LAMA4: variants seen among roughly 807,000 people sequenced by gnomAD.
LAMA4 encodes laminin subunit alpha 4, also known as laminin subunit alpha-4.
A neutral mutation model predicts 207.1 loss-of-function variants in LAMA4; 127 were observed. That is an observed-to-expected ratio of 0.61 (90% CI 0.53 to 0.71). The LOEUF is 0.71. Among genes scored for constraint, LAMA4 ranks in the 30% least tolerant of loss-of-function variants. The probability of loss-of-function intolerance (pLI) is 0.00; values close to 1 mark genes in which losing one functional copy is unlikely to be tolerated. For missense variants in LAMA4, 2,093 were observed against 2,246.5 expected (o/e 0.93, Z 1.38); for synonymous variants, 761 against 816.0 (o/e 0.93, Z 1.15).
chr6:112,172,707 C>A lies in LAMA4; in HGVS notation c.1455G>T (p.Leu485Phe), dbSNP rs782305599. ...GGTCAAGTGCTTCCTGGAGATCTGACAACTTAGCATTGTAGTCATCCAGCT... is the reference window on the plus strand; with the variant it reads ...GGTCAAGTGCTTCCTGGAGATCTGAAAACTTAGCATTGTAGTCATCCAGCT... ...LEQLDDYNAK[L>F]SDLQEALDQA... Residue 485 changes from leucine to phenylalanine, a missense_variant, in exon 12 of 39, where the codon TTG becomes TTT. By Grantham distance (22) the Leu-to-Phe change is conservative. Around this residue, in one of 3 missense-constraint regions of LAMA4, gnomAD observed 1,704 missense variants for 1,788.4 expected, o/e 0.95. Coordinates refer to ENST00000230538, the MANE Select transcript of LAMA4 (RefSeq NM_001105206.3). 4.3e-5 allele frequency: 70 copies of A among 1,613,776 alleles called. No homozygotes were observed. Among genetic ancestry groups the A allele is most frequent in the Non-Finnish European group, 5.3e-5 (63 of 1,179,972 alleles).
chr6:112,184,510 CT>C (rs1178969923), intron 9 of LAMA4, among the ~76,000 whole-genome samples: 5 of 152,104 alleles, frequency 3.3e-5, no homozygotes, highest in African/African-American at 1.2e-4. Context: ...TTCCTGACAG[CT>C]TTTACAAGTT....
rs587753056 is a variant in LAMA4 at position 112,115,946 on chromosome 6, G to A, written c.5029C>T (p.Arg1677Cys). 2.2e-4 allele frequency: 360 copies of A among 1,612,970 alleles called. 1 individual carries two copies. In the South Asian group the frequency reaches 3.7e-3, roughly 17 times the overall value. ...GLKFEIAFEV[R>C]PRSSSGTLVH... Reference sequence around the variant, plus strand: ...AGGGTTCCGGAACTGCTTCTGGGACGGACTTCAAATGCAATTTCAAACTTC... The same window carrying A: ...AGGGTTCCGGAACTGCTTCTGGGACAGACTTCAAATGCAATTTCAAACTTC... The change falls in exon 36 of 39, where the codon CGT becomes TGT. Residue 1677 changes from arginine (R) to cysteine (C), a missense_variant. Around this residue, in one of 3 missense-constraint regions of LAMA4, gnomAD observed 383 missense variants for 437.8 expected, o/e 0.87. Coordinates refer to ENST00000230538, the MANE Select transcript of LAMA4 (RefSeq NM_001105206.3).
At chr6:112,197,768 AT>A (rs1783507219) in intron 5 of LAMA4, among the ~76,000 whole-genome samples, 1 of 152,098 alleles carries the variant, frequency 6.6e-6, no homozygotes, top group African/African-American at 2.4e-5. Flanking sequence ...ACCAATTTTC[AT>A]TTTGGAATCT....
chr6:112,180,321 T>A (rs531954720), intron 9 of LAMA4, among the ~76,000 whole-genome samples: 2 of 152,328 alleles, frequency 1.3e-5, no homozygotes, highest in Admixed American at 1.3e-4. Flanking sequence ...GATAGAGATA[T>A]ATAGCTATTG....
intron 9 of LAMA4, among the ~76,000 whole-genome samples, chr6:112,182,718 C>A (rs538600926): frequency 1.3e-5 from 2 of 152,294 alleles, no homozygotes; most frequent in East Asian, 3.9e-4. Flanking sequence ...AGTGGACCTT[C>A]AAGATCCAGA....
At chr6:112,139,096 A>G (rs1278544902) in intron 24 of LAMA4, 24 bp downstream of exon 24, 4 of 1,608,344 alleles carry the variant, frequency 2.5e-6, no homozygotes, top group Non-Finnish European at 3.4e-6. Flanking sequence ...AAGGAGAAGT[A>G]GTAGGACTTG....
chr6:112,132,360 G>A lies in LAMA4; in HGVS notation c.3834+393C>T, dbSNP rs527324664. Among the ~76,000 whole-genome samples, 5 of 152,202 alleles carry A rather than the reference G, an allele frequency of 3.3e-5. No homozygotes were observed. The South Asian group carries it at 6.2e-4, about 19-fold the overall frequency. On this transcript the variant is annotated intron_variant, in intron 28 of 38. Transcript: ENST00000230538. Reference sequence around the variant, plus strand: ...CTGAGATTTCTGTGACAATTGTAATGTGAAACAAAAAAATCTGTGATTTCT... The same window carrying A: ...CTGAGATTTCTGTGACAATTGTAATATGAAACAAAAAAATCTGTGATTTCT...
chr6:112,214,676 C>T (rs889144830), intron 3 of LAMA4, among the ~76,000 whole-genome samples: 10 of 152,128 alleles, frequency 6.6e-5, no homozygotes, highest in South Asian at 2.1e-4. Context: ...TCATTTTCTG[C>T]GTTGGAACAA....
At chr6:112,182,346 A>G (rs1554345511) in intron 9 of LAMA4, among the ~76,000 whole-genome samples, 1 of 152,144 alleles carries the variant, frequency 6.6e-6, no homozygotes, top group African/African-American at 2.4e-5. Context: ...ACCTAATGCA[A>G]TGCCTATACA....
intron 2 of LAMA4, among the ~76,000 whole-genome samples, chr6:112,239,892 T>C (rs1247024304): frequency 6.6e-6 from 1 of 151,874 alleles, no homozygotes; most frequent in Non-Finnish European, 1.5e-5. Flanking sequence ...TGAAACCCCG[T>C]CTCTACTAAA....
chr6:112,179,792 C>T (rs568443775), intron 9 of LAMA4: 10 of 351,656 alleles, frequency 2.8e-5, no homozygotes, highest in South Asian at 2.6e-4. Context: ...TAATCCCCTC[C>T]CTACAGAGCA....
At chr6:112,158,435 C>G (rs1038305270) in intron 14 of LAMA4, 1 of 382,944 alleles carries the variant, frequency 2.6e-6, no homozygotes, top group Admixed American at 4.2e-5. Context: ...ACAGACACCC[C>G]CCTCTTCCCG....
At chr6:112,173,278 A>G (rs1281459524) in intron 11 of LAMA4, among the ~76,000 whole-genome samples, 2 of 152,196 alleles carry the variant, frequency 1.3e-5, no homozygotes, top group Non-Finnish European at 2.9e-5. Flanking sequence ...CCAAACCATG[A>G]TTTTGGTGGA....
At position 112,205,205 on chromosome 6, in the gene LAMA4, A is replaced by T. The variant is rs1554353858; in HGVS notation, c.422+1816T>A. Reference sequence around the variant, plus strand: ...CCAGGCATAGAGTAAGAAAAATCCAAGTGTTAGAAAAAATATAGCGGTATG... The same window carrying T: ...CCAGGCATAGAGTAAGAAAAATCCATGTGTTAGAAAAAATATAGCGGTATG... On this transcript the variant is annotated intron_variant, in intron 4 of 38. Coordinates refer to ENST00000230538, the MANE Select transcript of LAMA4 (RefSeq NM_001105206.3). Among the ~76,000 whole-genome samples the T allele has an allele frequency of 2.6e-5, 4 of 152,374 alleles. No homozygotes were observed. In the South Asian group the frequency reaches 8.3e-4, roughly 32 times the overall value.
intron 27 of LAMA4, among the ~76,000 whole-genome samples, 183 bp from the exon 28 acceptor site, chr6:112,133,073 C>T (rs1554330437): frequency 6.6e-6 from 1 of 152,178 alleles, no homozygotes; most frequent in Non-Finnish European, 1.5e-5. Context: ...GGGGTTTCAT[C>T]TTCTCCACTG....
At chr6:112,212,352 T>A (rs1004252482) in intron 3 of LAMA4, among the ~76,000 whole-genome samples, 1 of 151,850 alleles carries the variant, frequency 6.6e-6, no homozygotes, top group African/African-American at 2.4e-5. Flanking sequence ...GCTTCCCAAG[T>A]AGCTGGGATT....
At position 112,108,999 on chromosome 6, in the gene LAMA4, G is replaced by A. The variant is rs1027264967; in HGVS notation, c.*438C>T. On this transcript the variant is annotated 3_prime_UTR_variant, in exon 39 of 39. Coordinates refer to ENST00000230538, the MANE Select transcript of LAMA4 (RefSeq NM_001105206.3). ...ATCATCTAATTTAGATTATATGTAA[G>A]TTAGTAAGTCTCTTCAAAATAAAGA... The A allele has an allele frequency of 1.4e-4, 29 of 202,504 alleles. No individual in the cohort carries two copies. The highest frequency in any genetic ancestry group is 5.6e-4 in the African/African-American group (24 of 42,554). 12.5% of individuals were successfully genotyped at this position (202,504 alleles called of 1,614,324 possible).
intron 16 of LAMA4, among the ~76,000 whole-genome samples, chr6:112,152,057 A>G (rs1252089217): frequency 6.6e-6 from 1 of 152,096 alleles, no homozygotes; most frequent in Non-Finnish European, 1.5e-5. Flanking sequence ...TTGCTAATAT[A>G]TTGATTAGAA....
intron 38 of LAMA4, among the ~76,000 whole-genome samples, chr6:112,111,675 A>T (rs1777704588): frequency 6.6e-6 from 1 of 152,196 alleles, no homozygotes; most frequent in Admixed American, 6.5e-5. Flanking sequence ...TCTTAGATGG[A>T]CTTAAAAGCT....
Sources: gnomAD v4.1 joint callset for allele counts (sites outside exome capture counted in the v4.1 genomes callset) on GRCh38, gnomAD v4.1.1 for gene constraint, gnomAD v4.1.1 regional missense constraint, MANE v1.5 for transcripts, NCBI Gene and HGNC (gene_info 2026-07-23, HGNC 2026-07-21) for gene names.